The following ENPP1 variants were observed in gnomAD, a reference collection of about 807,000 sequenced individuals.
ENPP1 encodes the protein ectonucleotide pyrophosphatase/phosphodiesterase 1.
Under a neutral mutation model 122.8 loss-of-function variants are expected in ENPP1, and 73 were observed. The ratio of observed to expected loss-of-function variants is 0.59; its 90% CI spans 0.49 to 0.72. The LOEUF is 0.72. ENPP1 is among the 30% of genes least tolerant of loss of function. ENPP1 has a pLI of 0.00. For missense variants in ENPP1, 978 were observed against 1,128.1 expected, an observed-to-expected ratio of 0.87 and a Z score of 1.91; for synonymous variants, 367 against 391.6, an observed-to-expected ratio of 0.94 and a Z score of 0.74.
At position 131,894,238 on chromosome 6, in the gene ENPP1, G is replaced by T. The variant is rs1782514118; in HGVS notation, c.*3727G>T. 6.6e-6 allele frequency: 1 copy of T among 151,442 alleles called. No individual in the cohort carries two copies. The highest frequency in any genetic ancestry group is 6.6e-5 in the Admixed American group (1 of 15,194). 9.4% of individuals were successfully genotyped at this position (151,442 alleles called of 1,614,324 possible). ...CAAAGTGCTGGGATTACAGGCTCGAGCCACTGCCTCCAGCCTATCCTGATT... is the reference window on the plus strand; with the variant it reads ...CAAAGTGCTGGGATTACAGGCTCGATCCACTGCCTCCAGCCTATCCTGATT... On this transcript the variant is annotated 3_prime_UTR_variant, in exon 25 of 25. Transcript: ENST00000647893.
chr6:131,847,840 C>T lies in ENPP1; in HGVS notation c.305C>T (p.Ala102Val). 6.3e-7 allele frequency: 1 copy of T among 1,592,380 alleles called. No individual in the cohort carries two copies. The highest frequency in any genetic ancestry group is 8.6e-7 in the Non-Finnish European group (1 of 1,164,640). Residue 102 changes from alanine (A) to valine (V), a missense_variant, in exon 2 of 25, where the codon GCC becomes GTC. Around this residue, in one of 3 missense-constraint regions of ENPP1, gnomAD observed 330 missense variants for 328.5 expected, o/e 1.00. Coordinates refer to ENST00000647893, the MANE Select transcript of ENPP1 (RefSeq NM_006208.3). ...GCIFGLKPSC[A>V]KEVKSCKGRC... ...ATATTTGGGTTGAAACCAAGCTGTG[C>T]CAAAGAAGGTAATTAGGTGTGTGTG...
chr6:131,871,122 A>T (rs1665622674), intron 13 of ENPP1, among the ~76,000 whole-genome samples: 1 of 152,088 alleles, frequency 6.6e-6, no homozygotes, highest in African/African-American at 2.4e-5. Flanking sequence ...GATGTTTGGG[A>T]TGGGATAGCT....
intron 1 of ENPP1, chr6:131,827,004 G>GATGA: frequency 2.0e-6 from 1 of 497,950 alleles, no homozygotes. Context: ...TACTACCAGA[G>GATGA]ATGAATGGTC....
chr6:131,851,450 T>C, intron 4 of ENPP1, 183 bp downstream of exon 4: 1 of 640,760 alleles, frequency 1.6e-6, no homozygotes, highest in East Asian at 2.9e-5. Context: ...AGAGAGAGTA[T>C]GTAATGAACA....
chr6:131,867,488 C>T (rs1414876555), intron 11 of ENPP1, among the ~76,000 whole-genome samples: 1 of 152,018 alleles, frequency 6.6e-6, no homozygotes, highest in African/African-American at 2.4e-5. Flanking sequence ...AAATTAAATA[C>T]ATTGAATTAT....
At chr6:131,856,279 A>C (rs1781944556) in intron 6 of ENPP1, among the ~76,000 whole-genome samples, 1 of 151,730 alleles carries the variant, frequency 6.6e-6, no homozygotes, top group Non-Finnish European at 1.5e-5. Context: ...TGGCTGCATA[A>C]ATGTCTTCTT....
At chr6:131,874,960 CA>C (rs746583326) in intron 16 of ENPP1, among the ~76,000 whole-genome samples, 4 of 151,966 alleles carry the variant, frequency 2.6e-5, no homozygotes, top group Non-Finnish European at 5.9e-5. Context: ...ATAACTCAAA[CA>C]AAAAGCTAAA....
rs1782326298 is a variant in ENPP1 at position 131,882,601 on chromosome 6, TTATATATATATTA to T, written c.2230+136_2230+148del. ...TATATATATATAAATATTACCTATTTTATATATATATTATATATATAATATATATAAAGTATAT... is the reference window on the plus strand; with the variant it reads ...TATATATATATAAATATTACCTATTTTATATATAATATATATAAAGTATAT... On this transcript the variant is annotated intron_variant, in intron 21 of 24. Transcript: ENST00000647893. 1.5e-5 allele frequency: 3 copies of T among 201,044 alleles called. No homozygotes were observed. In the South Asian group the frequency reaches 3.0e-4, roughly 20 times the overall value. The allele number at this position is 201,044 out of a possible 1,614,324, so 12.5% of individuals were successfully genotyped here.
intron 1 of ENPP1, among the ~76,000 whole-genome samples, chr6:131,822,216 T>C (rs568132272): frequency 2.6e-5 from 4 of 152,350 alleles, no homozygotes; most frequent in African/African-American, 7.2e-5. Context: ...TGTTATCTCT[T>C]AGAAACTTTC....
intron 4 of ENPP1, 48 bp from the exon 5 acceptor site, chr6:131,852,127 A>G: frequency 8.3e-7 from 1 of 1,207,868 alleles, no homozygotes; most frequent in South Asian, 1.2e-5. Flanking sequence ...CATCACAATT[A>G]TTATTACTGT....
intron 5 of ENPP1, among the ~76,000 whole-genome samples, chr6:131,854,053 C>T (rs930815590): frequency 2.0e-5 from 3 of 152,076 alleles, no homozygotes; most frequent in African/African-American, 7.2e-5. Context: ...AATATAGTAT[C>T]TCTCAAACTT....
intron 1 of ENPP1, among the ~76,000 whole-genome samples, chr6:131,845,054 T>G (rs1781790239): frequency 1.5e-5 from 2 of 130,068 alleles, no homozygotes; most frequent in African/African-American, 6.6e-5. Flanking sequence ...TTTTTTTTTT[T>G]TTTTTTTTTT....
At chr6:131,889,252 A>C (rs1000883086) in intron 24 of ENPP1, among the ~76,000 whole-genome samples, 1 of 152,188 alleles carries the variant, frequency 6.6e-6, no homozygotes, top group Non-Finnish European at 1.5e-5. Flanking sequence ...GTTCAGGGGT[A>C]CATGTGCAGG....
chr6:131,810,055 A>G (rs978456095), intron 1 of ENPP1, among the ~76,000 whole-genome samples: 53 of 152,208 alleles, frequency 3.5e-4, no homozygotes, highest in African/African-American at 1.3e-3. Flanking sequence ...GTGAGACATT[A>G]ACATACAAAT....
At chr6:131,844,452 T>C (rs1439902783) in intron 1 of ENPP1, among the ~76,000 whole-genome samples, 1 of 152,184 alleles carries the variant, frequency 6.6e-6, no homozygotes, top group Non-Finnish European at 1.5e-5. Flanking sequence ...GATTAGCCCA[T>C]AGGCATCTTT....
intron 15 of ENPP1, among the ~76,000 whole-genome samples, chr6:131,873,438 A>G (rs568631652): frequency 2.0e-5 from 3 of 152,214 alleles, no homozygotes; most frequent in South Asian, 2.1e-4. Context: ...ACTTCTTACA[A>G]TCTACATTTG....
chr6:131,823,073 G>A (rs9402345), intron 1 of ENPP1, among the ~76,000 whole-genome samples: 14,062 of 152,200 alleles, frequency 0.092, 771 homozygotes, highest in South Asian at 0.21. Context: ...TCATCCATTC[G>A]TAGCAGTGCT....
intron 1 of ENPP1, chr6:131,825,912 T>C: frequency 2.9e-6 from 1 of 342,996 alleles, no homozygotes; most frequent in Non-Finnish European, 5.4e-6. Context: ...TTAGAAAATT[T>C]TACTTCTTAT....
At chr6:131,844,130 C>G (rs1419855292) in intron 1 of ENPP1, among the ~76,000 whole-genome samples, 2 of 151,996 alleles carry the variant, frequency 1.3e-5, no homozygotes, top group Non-Finnish European at 2.9e-5. Flanking sequence ...TTTTTTTGTT[C>G]ATTTGTTTTA....
Sources: allele counts gnomAD v4.1 joint callset (sites outside exome capture counted in the v4.1 genomes callset), GRCh38; gene constraint gnomAD v4.1.1; regional missense constraint gnomAD v4.1.1; transcripts MANE v1.5; gene names NCBI Gene and HGNC (gene_info 2026-07-23, HGNC 2026-07-21).